Variants in SEPTIN7 observed in about 807,000 individuals in gnomAD.
SEPTIN7 encodes septin-7.
Under a neutral mutation model 63.3 loss-of-function variants are expected in SEPTIN7, and 10 were observed. The ratio of observed to expected loss-of-function variants is 0.16; its 90% confidence interval spans 0.10 to 0.27. The LOEUF (loss-of-function observed/expected upper bound fraction) is 0.27. Among genes scored for constraint, SEPTIN7 ranks in the 10% least tolerant of loss-of-function variants. The pLI is 1.00. For missense variants in SEPTIN7, 310 were observed against 521.0 expected, an observed-to-expected ratio of 0.59 and a Z score of 3.94; for synonymous variants, 131 against 165.3, an observed-to-expected ratio of 0.79 and a Z score of 1.59.
At chr7:35,832,777 G>A (rs759653784) in intron 2 of SEPTIN7, 21 bp from the exon 3 acceptor site, 19 of 1,326,914 alleles carry the variant, frequency 1.4e-5, no homozygotes, top group Non-Finnish European at 2.1e-5. Flanking sequence ...TGAATAACTT[G>A]GCCCTTTTTG....
chr7:35,891,374 T>G (rs1787632559), intron 11 of SEPTIN7, among the ~76,000 whole-genome samples: 1 of 151,564 alleles, frequency 6.6e-6, no homozygotes, highest in African/African-American at 2.4e-5. Flanking sequence ...CATCATAGAG[T>G]ATCTACACAA....
chr7:35,871,547 T>C (rs768982723), intron 4 of SEPTIN7, among the ~76,000 whole-genome samples: 79 of 152,212 alleles, frequency 5.2e-4, no homozygotes, highest in Non-Finnish European at 5.4e-4. Flanking sequence ...ACACAACAAT[T>C]CCATCATCTC....
chr7:35,850,259 T>C (rs1051016137), intron 3 of SEPTIN7, among the ~76,000 whole-genome samples: 1 of 152,228 alleles, frequency 6.6e-6, no homozygotes, highest in African/African-American at 2.4e-5. Flanking sequence ...CTTTTTAAAA[T>C]GTCAAGCCCT....
intron 4 of SEPTIN7, among the ~76,000 whole-genome samples, chr7:35,867,490 T>C (rs1398593482): frequency 6.6e-6 from 1 of 151,990 alleles, no homozygotes; most frequent in Non-Finnish European, 1.5e-5. Context: ...CCTGGGATTA[T>C]AGGCGTGTGC....
intron 3 of SEPTIN7, among the ~76,000 whole-genome samples, chr7:35,842,635 A>T (rs1047935716): frequency 6.6e-6 from 1 of 152,190 alleles, no homozygotes; most frequent in African/African-American, 2.4e-5. Context: ...AAATACTGAA[A>T]ATTATAGGTA....
chr7:35,888,891 AT>A, intron 10 of SEPTIN7: 1 of 318,794 alleles, frequency 3.1e-6, no homozygotes, highest in Non-Finnish European at 6.2e-6. Flanking sequence ...TGGCATAGGT[AT>A]TTGTTATTTT....
chr7:35,872,235 A>T (rs1198568563), intron 4 of SEPTIN7, among the ~76,000 whole-genome samples: 2 of 152,210 alleles, frequency 1.3e-5, no homozygotes, highest in Non-Finnish European at 2.9e-5. Context: ...GAAGACATTT[A>T]CTGTAAATGG....
intron 8 of SEPTIN7, 91 bp downstream of exon 8, chr7:35,882,667 T>C: frequency 4.4e-6 from 5 of 1,149,316 alleles, no homozygotes; most frequent in Non-Finnish European, 5.5e-6. Flanking sequence ...TATCAGTGTT[T>C]TAAGTAGTTG....
chr7:35,864,626 A>T (rs1785702678), intron 4 of SEPTIN7, among the ~76,000 whole-genome samples: 2 of 152,018 alleles, frequency 1.3e-5, no homozygotes, highest in African/African-American at 4.8e-5. Flanking sequence ...AGGTTAAATA[A>T]AATTGATTGA....
At chr7:35,836,192 A>G (rs2115918527) in intron 3 of SEPTIN7, among the ~76,000 whole-genome samples, 1 of 150,846 alleles carries the variant, frequency 6.6e-6, no homozygotes. Context: ...TATTCAGTGA[A>G]GTTGTCTAAC....
At chr7:35,914,697 AGATT>A in the SEPTIN7 span, among the ~76,000 whole-genome samples, 10 of 152,026 alleles carry the variant, frequency 6.6e-5, no homozygotes, top group East Asian at 9.6e-4. Flanking sequence ...AAATATATAT[AGATT>A]ATGTACACAT....
chr7:35,898,335 G>A lies in SEPTIN7; in HGVS notation c.1086G>A (p.Glu362=), dbSNP rs1788078869. 3 of 1,549,646 alleles carry A rather than the reference G, an allele frequency of 1.9e-6. No individual in the cohort carries two copies. Among genetic ancestry groups the A allele is most frequent in the Admixed American group, 3.9e-5 (2 of 50,966 alleles). ...AGATGGAGATGGAGCAGGTGTTTGA[G>A]ATGAAGGTCAAAGAAAAAGTTCAAA... is the stretch of plus-strand genomic sequence containing the variant. ...KMEMEMEQVF[E]MKVKEKVQKL... is the part of the protein sequence containing the mutation. The change falls in exon 12 of 14, where the codon GAG becomes GAA. Residue 362 remains glutamate (E), a synonymous_variant. Coordinates refer to ENST00000350320, the MANE Select transcript of SEPTIN7 (RefSeq NM_001788.6).
At chr7:35,802,625 A>G (rs1371274100) in intron 1 of SEPTIN7, among the ~76,000 whole-genome samples, 4 of 152,194 alleles carry the variant, frequency 2.6e-5, no homozygotes, top group East Asian at 1.9e-4. Flanking sequence ...TTTTCCCCCT[A>G]AAGTTTATGT....
intron 3 of SEPTIN7, chr7:35,847,361 G>T: frequency 6.1e-6 from 1 of 164,000 alleles, no homozygotes; most frequent in Non-Finnish European, 1.4e-5. Context: ...CAATGCCATG[G>T]CTGAAGCCAT....
At chr7:35,899,955 A>C (rs112636194) in intron 12 of SEPTIN7, 1 of 152,208 alleles carries the variant, frequency 6.6e-6, no homozygotes, top group Non-Finnish European at 1.5e-5. Flanking sequence ...TAATGATAAA[A>C]TTTAGTAAGA....
intron 1 of SEPTIN7, among the ~76,000 whole-genome samples, chr7:35,829,193 T>C (rs1457784173): frequency 2.2e-5 from 3 of 135,754 alleles, no homozygotes; most frequent in African/African-American, 8.6e-5. Flanking sequence ...AGGAGTGCAA[T>C]GGCACGATCT....
In SEPTIN7 at chr7:35,873,757, T is replaced by C; in HGVS notation, c.494T>C (p.Ile165Thr). ...DNRVQCCLYF[I>T]APSGHGLKPL... The stretch of plus-strand genomic sequence containing the variant: ...AGGGTGCAGTGTTGTTTATACTTCA[T>C]TGCTCCTTCAGGACATGGGTCAGTA... Residue 165 changes from isoleucine (I) to threonine (T), a missense_variant, in exon 6 of 14, where the codon ATT becomes ACT. Ile to Thr is a moderately conservative substitution (Grantham distance 89). Transcript: ENST00000350320. 6.2e-7 allele frequency: 1 copy of C among 1,610,494 alleles called. No individual in the cohort carries two copies. Among genetic ancestry groups the C allele is most frequent in the Non-Finnish European group, 8.5e-7 (1 of 1,178,808 alleles).
At chr7:35,872,504 C>T (rs1349096117) in intron 4 of SEPTIN7, among the ~76,000 whole-genome samples, 162 bp from the exon 5 acceptor site, 4 of 152,080 alleles carry the variant, frequency 2.6e-5, no homozygotes, top group Admixed American at 6.6e-5. Flanking sequence ...TTTCCAATGC[C>T]CGCTATCATC....
chr7:35,810,665 C>A (rs929228141), intron 1 of SEPTIN7, among the ~76,000 whole-genome samples: 20 of 152,088 alleles, frequency 1.3e-4, no homozygotes, highest in African/African-American at 4.6e-4. Flanking sequence ...CGTTTCACAG[C>A]AGCAGTTGCT....
Sources: gnomAD v4.1 joint callset for allele counts (sites outside exome capture counted in the v4.1 genomes callset) on GRCh38, gnomAD v4.1.1 for gene constraint, MANE v1.5 for transcripts, NCBI Gene and HGNC (gene_info 2026-07-23, HGNC 2026-07-21) for gene names.